CACNA1C: variants seen among roughly 807,000 people sequenced by gnomAD.
CACNA1C encodes the protein calcium voltage-gated channel subunit alpha1 C.
A neutral mutation model predicts 229.0 loss-of-function variants in CACNA1C; 30 were observed. The observed-to-expected ratio is 0.13, with a 90% CI of 0.10 to 0.18. The LOEUF is 0.18. Among genes scored for constraint, CACNA1C ranks in the 10% least tolerant of loss-of-function variants. The pLI, the probability that CACNA1C is intolerant of heterozygous loss-of-function variation, is 1.00. For missense variants in CACNA1C, 1,658 were observed against 2,845.0 expected (o/e 0.58, Z 9.49); for synonymous variants, 1,114 against 1,132.5 (o/e 0.98, Z 0.33).
chr12:2,477,198 G>C (rs901306442), intron 5 of CACNA1C, among the ~76,000 whole-genome samples: 1 of 152,164 alleles, frequency 6.6e-6, no homozygotes, highest in African/African-American at 2.4e-5. Context: ...AGAAGTAAGC[G>C]TGGGCTAGTA....
intron 3 of CACNA1C, among the ~76,000 whole-genome samples, chr12:2,252,606 C>T (rs2075985068): frequency 6.6e-6 from 1 of 152,210 alleles, no homozygotes; most frequent in African/African-American, 2.4e-5. Flanking sequence ...CTTTAAATGT[C>T]AAGGTTGCCT....
At chr12:2,199,731 G>A (rs1172603155) in intron 3 of CACNA1C, among the ~76,000 whole-genome samples, 2 of 152,086 alleles carry the variant, frequency 1.3e-5, no homozygotes, top group African/African-American at 4.8e-5. Flanking sequence ...TCCTCTGTCA[G>A]GTCCCAGAGC....
rs1353160111 is a variant in CACNA1C at position 1,971,284 on chromosome 12, A to G, written c.139+83A>G. 1.4e-6 allele frequency: 1 copy of G among 716,484 alleles called. No individual in the cohort carries two copies. The highest frequency in any genetic ancestry group is 2.1e-6 in the Non-Finnish European group (1 of 487,650). 44.4% of individuals were successfully genotyped at this position (716,484 alleles called of 1,614,324 possible). A position where few individuals can be genotyped will look rare whatever the true frequency, so the allele number is the denominator to read the frequency against. On this transcript the variant is annotated intron_variant, in intron 1 of 46. Transcript: ENST00000682462. This position sits in a 1 kb window ranked among gnomAD's most constrained non-coding sequence, Gnocchi z 4.2. ...ATATCCTAATGATACCTAGAATGTG[A>G]CTTCCTCACTCTAAGAACTCATCTC...
chr12:2,566,544 A>C lies in CACNA1C; in HGVS notation c.1631A>C (p.Glu544Ala), dbSNP rs2050992246. Residue 544 changes from glutamate to alanine, a missense_variant, in exon 12 of 47, where the codon GAG becomes GCG. Physicochemically the swap from Glu to Ala is moderately radical, Grantham distance 107. Transcript: ENST00000399655. The surrounding 1 kb of genome is among the most constrained non-coding windows in gnomAD (Gnocchi z 4.0). ...VFLNTLTIAS[E>A]HYNQPNWLTE... ...CTCAACACGCTCACCATTGCCTCTG[A>C]GCACTACAACCAGCCCAACTGGCTC... The C allele has an allele frequency of 6.3e-7, 1 of 1,599,150 alleles. No homozygotes were observed. Among genetic ancestry groups the C allele is most frequent in the Non-Finnish European group, 8.5e-7 (1 of 1,173,208 alleles).
At chr12:2,072,996 C>T (rs2061904217) in intron 1 of CACNA1C, among the ~76,000 whole-genome samples, 1 of 152,114 alleles carries the variant, frequency 6.6e-6, no homozygotes, top group Non-Finnish European at 1.5e-5. Flanking sequence ...AACAGATGGG[C>T]ATCTGCTGTG....
rs374468402 is a variant in CACNA1C at position 2,115,411 on chromosome 12, G to A, written c.237G>A (p.Thr79=). The A allele has an allele frequency of 1.4e-5, 23 of 1,612,330 alleles. No individual in the cohort carries two copies. The highest frequency in any genetic ancestry group is 1.9e-5 in the Non-Finnish European group (22 of 1,179,744). The part of the protein sequence containing the change: ...GNATISTVSS[T]QRKRQQYGKP... ...CGACCATCTCCACAGTCAGCTCCAC[G>A]CAGCGGAAGCGGCAGCAATATGGGA... The change falls in exon 2 of 47, where the codon ACG becomes ACA. Residue 79 remains threonine (T), a synonymous_variant. Coordinates refer to ENST00000399655, the MANE Select transcript of CACNA1C (RefSeq NM_000719.7).
At chr12:2,361,915 T>A (rs2097567475) in intron 3 of CACNA1C, among the ~76,000 whole-genome samples, 1 of 152,194 alleles carries the variant, frequency 6.6e-6, no homozygotes, top group Non-Finnish European at 1.5e-5. Flanking sequence ...TGGAGACAGA[T>A]GGAGTGTGAC....
intron 3 of CACNA1C, among the ~76,000 whole-genome samples, chr12:2,160,318 C>T (rs1355881009): frequency 6.6e-6 from 1 of 152,200 alleles, no homozygotes; most frequent in African/African-American, 2.4e-5. Context: ...ATAGCAGACA[C>T]TCAGTGGCTG....
At chr12:2,296,825 C>T (rs1035879946) in intron 3 of CACNA1C, among the ~76,000 whole-genome samples, 1 of 152,228 alleles carries the variant, frequency 6.6e-6, no homozygotes, top group African/African-American at 2.4e-5. Flanking sequence ...GTTCCACTGC[C>T]TGAGATTTCA....
chr12:2,540,784 G>A (rs567920628), intron 9 of CACNA1C, among the ~76,000 whole-genome samples: 130 of 152,330 alleles, frequency 8.5e-4, no homozygotes, highest in African/African-American at 2.6e-3. Context: ...AGGGCAGCCC[G>A]GTGTGGTTGG....
intron 1 of CACNA1C, among the ~76,000 whole-genome samples, chr12:2,058,130 G>A (rs12312868): frequency 0.021 from 3,162 of 152,158 alleles, 103 homozygotes; most frequent in African/African-American, 0.072. Context: ...TTCTTCACTC[G>A]GTTTTCTTAG....
intron 3 of CACNA1C, among the ~76,000 whole-genome samples, chr12:2,303,338 C>T (rs140101257): frequency 1.3e-5 from 2 of 152,292 alleles, no homozygotes; most frequent in Non-Finnish European, 2.9e-5. Context: ...TTGCCTTCTC[C>T]CTGGCTTCTC....
At chr12:2,317,455 A>G (rs762454216) in intron 3 of CACNA1C, among the ~76,000 whole-genome samples, 22 of 152,302 alleles carry the variant, frequency 1.4e-4, no homozygotes, top group Admixed American at 2.0e-4. Flanking sequence ...TGGAATTTAT[A>G]GAGATGGGAA....
intron 1 of CACNA1C, among the ~76,000 whole-genome samples, chr12:2,027,471 C>T (rs2047531516): frequency 6.6e-6 from 1 of 152,194 alleles, no homozygotes; most frequent in Non-Finnish European, 1.5e-5. Context: ...CTTTATGCTG[C>T]GGCTGCTATT....
At chr12:2,213,109 A>G (rs1175771289) in intron 3 of CACNA1C, among the ~76,000 whole-genome samples, 1 of 152,044 alleles carries the variant, frequency 6.6e-6, no homozygotes. Flanking sequence ...GCCCGGCTAA[A>G]TATTTTCCAG....
chr12:2,613,464 G>A (rs1191977973), intron 29 of CACNA1C: 1 of 152,176 alleles, frequency 6.6e-6, no homozygotes, highest in Non-Finnish European at 1.5e-5. Context: ...AAACAACCTT[G>A]GAGGGACTTA....
intron 5 of CACNA1C, among the ~76,000 whole-genome samples, chr12:2,483,410 T>C (rs772936474): frequency 2.4e-4 from 36 of 152,032 alleles, no homozygotes; most frequent in Middle Eastern, 3.2e-3. Context: ...GTTGACAAAA[T>C]GACGAGCACC....
At chr12:2,457,135 G>A (rs758231) in intron 4 of CACNA1C, among the ~76,000 whole-genome samples, 19 of 151,718 alleles carry the variant, frequency 1.3e-4, no homozygotes, top group Admixed American at 2.0e-4. Flanking sequence ...AAGTCAAAGA[G>A]GGGGGGTATC....
intron 1 of CACNA1C, among the ~76,000 whole-genome samples, chr12:2,071,006 C>T (rs571194718): frequency 3.2e-4 from 39 of 122,836 alleles, no homozygotes; most frequent in African/African-American, 1.1e-3. Context: ...TTCCTTCCTT[C>T]TCTTTCTCCT....
Sources: gnomAD v4.1 joint callset for allele counts (sites outside exome capture counted in the v4.1 genomes callset) on GRCh38, gnomAD v4.1.1 for gene constraint, Gnocchi (gnomAD v3.1) non-coding constraint, MANE v1.5 for transcripts, NCBI Gene and HGNC (gene_info 2026-07-23, HGNC 2026-07-21) for gene names.